Variants in ODAD2 observed in about 807,000 individuals in gnomAD.
ODAD2 encodes outer dynein arm docking complex subunit 2.
In ODAD2, 89 loss-of-function variants were observed where a neutral mutation model predicts 106.8. The ratio of observed to expected loss-of-function variants is 0.83; its 90% CI spans 0.70 to 0.99. The LOEUF (loss-of-function observed/expected upper bound fraction) is 0.99. Among genes scored for constraint, ODAD2 ranks in the 50% least tolerant of loss-of-function variants. The pLI is 0.00. For synonymous variants in ODAD2, 404 were observed against 436.2 expected (o/e 0.93, Z 0.92); for missense variants, 1,168 against 1,238.5 (o/e 0.94, Z 0.85).
intron 15 of ODAD2, among the ~76,000 whole-genome samples, chr10:27,936,481 A>T (rs189971759): frequency 2.8e-4 from 43 of 152,342 alleles, no homozygotes; most frequent in Non-Finnish European, 5.9e-5. Context: ...CATATGCAAA[A>T]TAGAGAAATC....
intron 7 of ODAD2, among the ~76,000 whole-genome samples, chr10:27,974,621 G>C (rs532502824): frequency 6.6e-6 from 1 of 150,514 alleles, no homozygotes; most frequent in South Asian, 2.1e-4. Flanking sequence ...ATGTTGTTTC[G>C]GTTACTGTAG....
chr10:27,820,571 G>A (rs921767174), intron 19 of ODAD2, among the ~76,000 whole-genome samples: 2 of 151,836 alleles, frequency 1.3e-5, no homozygotes, highest in African/African-American at 4.8e-5. Context: ...AATCTAAGCA[G>A]GTACCCTTTT....
intron 7 of ODAD2, among the ~76,000 whole-genome samples, chr10:27,981,258 C>T (rs1198839147): frequency 1.3e-5 from 2 of 151,936 alleles, no homozygotes; most frequent in East Asian, 1.9e-4. Context: ...GATATTTGTA[C>T]AACATTGTGA....
intron 12 of ODAD2, among the ~76,000 whole-genome samples, chr10:27,943,562 G>A (rs1039746096): frequency 9.9e-5 from 15 of 151,862 alleles, no homozygotes; most frequent in Admixed American, 3.9e-4. Context: ...CAAGGTGGGC[G>A]GATTACCTGA....
chr10:27,947,960 T>C (rs1333485687), intron 10 of ODAD2, among the ~76,000 whole-genome samples: 1 of 152,224 alleles, frequency 6.6e-6, no homozygotes, highest in Non-Finnish European at 1.5e-5. Context: ...GTTTCCTATT[T>C]CAAGTTTTCT....
At chr10:27,921,318 A>G (rs1265964653) in intron 16 of ODAD2, among the ~76,000 whole-genome samples, 4 of 151,970 alleles carry the variant, frequency 2.6e-5, no homozygotes, top group African/African-American at 9.7e-5. Context: ...AAAGAAAAAA[A>G]AAAGAACATG....
chr10:27,939,982 G>A lies in ODAD2; in HGVS notation c.2012C>T (p.Ala671Val), dbSNP rs1228241061. The A allele has an allele frequency of 1.2e-6, 2 of 1,609,536 alleles. No individual in the cohort carries two copies. Among genetic ancestry groups the A allele is most frequent in the African/African-American group, 2.7e-5 (2 of 74,614 alleles). ...GACAAGGTTTTCAATGATCCTTTCTGCTTTGATTGCAGCCCGGTAGTTTTC... is the reference window on the plus strand; with the variant it reads ...GACAAGGTTTTCAATGATCCTTTCTACTTTGATTGCAGCCCGGTAGTTTTC... ...SEENYRAAIK[A>V]ERIIENLVKN... The change falls in exon 14 of 20, where the codon GCA becomes GTA. Residue 671 changes from alanine to valine, a missense_variant. Around this residue, in one of 3 missense-constraint regions of ODAD2, gnomAD observed 701 missense variants for 712.3 expected, o/e 0.98. Transcript: ENST00000305242.
chr10:27,922,924 AAAACAAAAACAAAC>A (rs1844895421), intron 16 of ODAD2, among the ~76,000 whole-genome samples: 2 of 151,958 alleles, frequency 1.3e-5, no homozygotes, highest in African/African-American at 4.8e-5. Flanking sequence ...AAAACAAAAT[AAAACAAAAACAAAC>A]AAACAAAAAA....
intron 10 of ODAD2, among the ~76,000 whole-genome samples, chr10:27,946,904 A>G (rs1564535896): frequency 6.6e-6 from 1 of 152,180 alleles, no homozygotes; most frequent in Non-Finnish European, 1.5e-5. Flanking sequence ...TCCATTTAAG[A>G]AAATTTCTTC....
At chr10:27,941,115 A>T (rs1041156026) in intron 12 of ODAD2, among the ~76,000 whole-genome samples, 2 of 152,120 alleles carry the variant, frequency 1.3e-5, no homozygotes, top group African/African-American at 4.8e-5. Flanking sequence ...CCTCAGCCCA[A>T]ACATCTCAGA....
chr10:27,874,280 G>A (rs1328536689), intron 17 of ODAD2, among the ~76,000 whole-genome samples: 1 of 152,146 alleles, frequency 6.6e-6, no homozygotes, highest in Non-Finnish European at 1.5e-5. Context: ...CCTGAATACA[G>A]CACACTGATG....
intron 19 of ODAD2, among the ~76,000 whole-genome samples, chr10:27,824,948 T>C (rs1197811257): frequency 6.6e-6 from 1 of 152,200 alleles, no homozygotes; most frequent in Non-Finnish European, 1.5e-5. Flanking sequence ...AACTCTAGAC[T>C]ATTCAGCTTC....
intron 10 of ODAD2, among the ~76,000 whole-genome samples, chr10:27,953,099 G>A (rs929641069): frequency 6.6e-6 from 1 of 152,098 alleles, no homozygotes; most frequent in Non-Finnish European, 1.5e-5. Context: ...TCATTACTAC[G>A]ATGAAAGTAA....
chr10:27,878,859 T>TA (rs1169786612), intron 17 of ODAD2, among the ~76,000 whole-genome samples: 2 of 152,020 alleles, frequency 1.3e-5, no homozygotes, highest in East Asian at 1.9e-4. Context: ...CCAACAACTT[T>TA]AAAAAAAATT....
chr10:27,944,238 C>A lies in ODAD2; in HGVS notation c.1727G>T (p.Gly576Val). The A allele has an allele frequency of 6.2e-7, 1 of 1,612,622 alleles. No homozygotes were observed. The highest frequency in any genetic ancestry group is 8.5e-7 in the Non-Finnish European group (1 of 1,179,820). Reference protein sequence around the residue: ...KRARRVVRQHGGITKLVALLD... With the variant: ...KRARRVVRQHVGITKLVALLD... ...GCTACTCACCAGTTTGGTGATACCC[C>A]CGTGCTGCCTCACCACCCGCCGTGC... is the stretch of plus-strand genomic sequence containing the variant. Residue 576 changes from glycine (G) to valine (V), a missense_variant, in exon 12 of 20, where the codon GGG becomes GTG. This residue lies in a region of ODAD2 where 701 missense variants were observed against 712.3 expected (regional missense o/e 0.98). Coordinates refer to ENST00000305242, the MANE Select transcript of ODAD2 (RefSeq NM_018076.5).
At chr10:27,944,756 A>G (rs1846751957) in intron 11 of ODAD2, 60 bp downstream of exon 11, 1 of 1,605,158 alleles carries the variant, frequency 6.2e-7, no homozygotes, top group Non-Finnish European at 8.5e-7. Flanking sequence ...CCTAGAGCTA[A>G]GAAGAGAGCC....
At chr10:27,937,421 T>C (rs1846072526) in intron 14 of ODAD2, among the ~76,000 whole-genome samples, 1 of 147,556 alleles carries the variant, frequency 6.8e-6, no homozygotes, top group Non-Finnish European at 1.5e-5. Flanking sequence ...CACTGCAACC[T>C]CCACCTCCTG....
At chr10:27,878,542 T>TAACCA (rs1564457619) in intron 17 of ODAD2, among the ~76,000 whole-genome samples, 1 of 152,134 alleles carries the variant, frequency 6.6e-6, no homozygotes, top group Non-Finnish European at 1.5e-5. Flanking sequence ...CAAAAATTTT[T>TAACCA]AACCAGAAGA....
intron 11 of ODAD2, 123 bp downstream of exon 11, chr10:27,944,693 T>C: frequency 8.2e-7 from 1 of 1,220,062 alleles, no homozygotes; most frequent in Non-Finnish European, 1.2e-6. Flanking sequence ...CAGCAGGTCA[T>C]CAGCAATAAT....
Sources: allele counts gnomAD v4.1 joint callset (sites outside exome capture counted in the v4.1 genomes callset), GRCh38; gene constraint gnomAD v4.1.1; regional missense constraint gnomAD v4.1.1; transcripts MANE v1.5; gene names NCBI Gene and HGNC (gene_info 2026-07-23, HGNC 2026-07-21).